FAM120C: variants seen among roughly 807,000 people sequenced by gnomAD.
The protein encoded by FAM120C is family with sequence similarity 120 member C.
Under a neutral mutation model 71.2 loss-of-function variants are expected in FAM120C, and 14 were observed. The observed-to-expected ratio is 0.20, with a 90% CI of 0.13 to 0.31. The LOEUF (loss-of-function observed/expected upper bound fraction) is 0.31. Ranked by LOEUF, FAM120C falls within the 10% of genes least tolerant of loss-of-function variation. The pLI, the probability that FAM120C is intolerant of heterozygous loss-of-function variation, is 1.00. For missense variants in FAM120C, 500 were observed against 879.0 expected, an observed-to-expected ratio of 0.57 and a Z score of 5.45; for synonymous variants, 354 against 353.2, an observed-to-expected ratio of 1.00 and a Z score of -0.03.
At chrX:54,178,384 A>G (rs1328805993) in intron 1 of FAM120C, among the ~76,000 whole-genome samples, 1 of 112,271 alleles carries the variant, frequency 8.9e-6, no homozygotes, top group Non-Finnish European at 1.9e-5. Context: ...TGTCTAGCCA[A>G]TAACAGTGTA....
chrX:54,170,876 A>C (rs1202403896), intron 1 of FAM120C, among the ~76,000 whole-genome samples: 1 of 112,025 alleles, frequency 8.9e-6, no homozygotes, highest in Admixed American at 9.6e-5. Flanking sequence ...TGTTTAGCCC[A>C]AAGCAAATCT....
intron 4 of FAM120C, among the ~76,000 whole-genome samples, chrX:54,139,414 C>T (rs1169668807): frequency 2.8e-5 from 3 of 106,568 alleles, no homozygotes; most frequent in African/African-American, 3.4e-5. Flanking sequence ...GGCACAATCT[C>T]GGCTCACTGC....
At chrX:54,164,357 A>AATGTGAT (rs1557134851) in intron 1 of FAM120C, among the ~76,000 whole-genome samples, 1 of 112,510 alleles carries the variant, frequency 8.9e-6, no homozygotes, top group African/African-American at 3.2e-5. Flanking sequence ...ACGTATCTCC[A>AATGTGAT]GAATTTTTTC....
chrX:54,073,949 C>T (rs1557120346), intron 15 of FAM120C, among the ~76,000 whole-genome samples: 1 of 110,528 alleles, frequency 9.0e-6, no homozygotes, highest in African/African-American at 3.3e-5. Context: ...CCTCAGCCCC[C>T]CAAGTAGCTG....
intron 4 of FAM120C, among the ~76,000 whole-genome samples, chrX:54,146,650 C>T (rs2067157946): frequency 8.9e-6 from 1 of 111,762 alleles, no homozygotes; most frequent in Admixed American, 9.6e-5. Context: ...CACTGTACTC[C>T]GGCCTGGGCA....
intron 1 of FAM120C, among the ~76,000 whole-genome samples, chrX:54,169,016 G>A (rs1209700623): frequency 8.9e-6 from 1 of 111,857 alleles, no homozygotes; most frequent in African/African-American, 3.2e-5. Context: ...TTTCAGGGCT[G>A]GACATGGTGG....
At chrX:54,104,331 A>G (rs1367112024) in intron 10 of FAM120C, among the ~76,000 whole-genome samples, 1 of 111,808 alleles carries the variant, frequency 8.9e-6, no homozygotes, top group Non-Finnish European at 1.9e-5. Flanking sequence ...TAAGAAATTG[A>G]GGAGTATAGG....
intron 10 of FAM120C, among the ~76,000 whole-genome samples, chrX:54,109,538 G>A (rs782438241): frequency 3.7e-5 from 4 of 108,517 alleles, no homozygotes; most frequent in Non-Finnish European, 5.7e-5. Flanking sequence ...TCACTTTAGC[G>A]TAGGAGGTGG....
chrX:54,078,144 C>T (rs2066745831), intron 15 of FAM120C, among the ~76,000 whole-genome samples: 1 of 105,096 alleles, frequency 9.5e-6, no homozygotes, highest in African/African-American at 3.4e-5. Flanking sequence ...GGGGTTTCAC[C>T]TTGTTAGCCA....
intron 3 of FAM120C, among the ~76,000 whole-genome samples, chrX:54,152,972 G>C (rs1557133196): frequency 8.9e-6 from 1 of 111,801 alleles, no homozygotes; most frequent in African/African-American, 3.3e-5. Flanking sequence ...GAGGCTGGCG[G>C]ATCACCTGAG....
At chrX:54,176,114 T>C (rs1486213436) in intron 1 of FAM120C, among the ~76,000 whole-genome samples, 2 of 111,798 alleles carry the variant, frequency 1.8e-5, no homozygotes, top group Admixed American at 9.5e-5. Flanking sequence ...CCTGTTTTTT[T>C]GTTTTTTGGT....
chrX:54,143,101 C>T (rs1263497754), intron 4 of FAM120C, among the ~76,000 whole-genome samples: 2 of 111,472 alleles, frequency 1.8e-5, no homozygotes, highest in African/African-American at 6.5e-5. Flanking sequence ...TCACCATCAT[C>T]AAAGACCAAA....
intron 4 of FAM120C, among the ~76,000 whole-genome samples, chrX:54,138,076 GAATA>G (rs1367123986): frequency 1.8e-5 from 2 of 111,263 alleles, no homozygotes; most frequent in African/African-American, 6.5e-5. Flanking sequence ...ATCAATGGAA[GAATA>G]AATAAATTGT....
intron 1 of FAM120C, among the ~76,000 whole-genome samples, chrX:54,165,732 G>A (rs1411632433): frequency 4.6e-5 from 5 of 109,825 alleles, no homozygotes; most frequent in Non-Finnish European, 7.6e-5. Flanking sequence ...AGCCAAGACC[G>A]CGCCACTGCA....
At chrX:54,088,650 G>T in intron 11 of FAM120C, among the ~76,000 whole-genome samples, 1 of 103,867 alleles carries the variant, frequency 9.6e-6, no homozygotes, top group South Asian at 4.5e-4. Flanking sequence ...TAAGCAATAT[G>T]TATGAAGAAC....
chrX:54,139,726 G>A (rs969066480), intron 4 of FAM120C, among the ~76,000 whole-genome samples: 1 of 110,490 alleles, frequency 9.1e-6, no homozygotes, highest in East Asian at 2.8e-4. Context: ...GAGTACAGTG[G>A]TGTGATGATA....
At chrX:54,148,806 T>TAA (rs1434232056) in intron 4 of FAM120C, among the ~76,000 whole-genome samples, 4 of 112,041 alleles carry the variant, frequency 3.6e-5, no homozygotes, top group Non-Finnish European at 7.5e-5. Context: ...TGGAAATTAC[T>TAA]AAAAGAGTAG....
chrX:54,080,940 C>T (rs1603351686), intron 14 of FAM120C, among the ~76,000 whole-genome samples: 1 of 108,294 alleles, frequency 9.2e-6, no homozygotes, highest in African/African-American at 3.4e-5. Context: ...AAAGCCAAGA[C>T]GGGAGGATTG....
chrX:54,172,215 G>A (rs1300966215), intron 1 of FAM120C, among the ~76,000 whole-genome samples: 2 of 112,315 alleles, frequency 1.8e-5, no homozygotes, highest in Non-Finnish European at 3.8e-5. Context: ...CAATCTCTGC[G>A]GGTGTGGTGA....
Sources: allele counts gnomAD v4.1 joint callset (sites outside exome capture counted in the v4.1 genomes callset), GRCh38; gene constraint gnomAD v4.1.1; transcripts MANE v1.5; gene names NCBI Gene and HGNC (gene_info 2026-07-23, HGNC 2026-07-21).